The following CX3CR1 variants were observed in gnomAD, a reference collection of about 807,000 sequenced individuals.
CX3CR1 encodes CX3C chemokine receptor 1.
For missense variants in CX3CR1, 363 were observed against 432.4 expected (o/e 0.84, Z 1.42); for synonymous variants, 168 against 178.5 (o/e 0.94, Z 0.47).
chr3:39,270,852 T>A (rs901547152), intron 1 of CX3CR1, among the ~76,000 whole-genome samples: 1 of 152,242 alleles, frequency 6.6e-6, no homozygotes, highest in African/African-American at 2.4e-5. Context: ...ATGAGTTATA[T>A]GAAAAACTAA....
Position 39,263,544 on chromosome 3 carries a change from G to A in CX3CR1, c.*1898C>T, listed in dbSNP as rs1394724380. The stretch of plus-strand genomic sequence containing the variant: ...GCTAAACATTGGAAACAAGTTAAAT[G>A]TTTATCAATTGAGTAATGGCAAGTA... On this transcript the variant is annotated 3_prime_UTR_variant, in exon 2 of 2. Transcript: ENST00000399220. 6 of 152,228 alleles carry A rather than the reference G, an allele frequency of 3.9e-5. No homozygotes were observed. Among genetic ancestry groups the A allele is most frequent in the Non-Finnish European group, 8.8e-5 (6 of 68,042 alleles). The allele number at this position is 152,228 out of a possible 1,614,324, so 9.4% of individuals were successfully genotyped here. A position where few individuals can be genotyped will look rare whatever the true frequency, so the allele number is the denominator to read the frequency against.
At chr3:39,283,794 A>T (rs868633511), upstream of CX3CR1, among the ~76,000 whole-genome samples, 6 of 58,340 alleles carry the variant, frequency 1.0e-4, no homozygotes, top group Non-Finnish European at 1.3e-4. Flanking sequence ...AAAAAAAAAA[A>T]TTATATATAT....
upstream of CX3CR1, chr3:39,286,607 C>A (rs1247345588): frequency 6.7e-6 from 1 of 148,528 alleles, no homozygotes; most frequent in African/African-American, 2.5e-5. Context: ...GCCGAGATTG[C>A]GCCACTGCAG....
intron 1 of CX3CR1, among the ~76,000 whole-genome samples, chr3:39,275,177 ACTTTCTCCTCT>A: frequency 6.6e-6 from 1 of 152,234 alleles, no homozygotes; most frequent in African/African-American, 2.4e-5. Context: ...ACTTTTACAT[ACTTTCTCCTCT>A]CTTTGAACAT....
upstream of CX3CR1, chr3:39,281,470 TG>T (rs1218458970): frequency 2.4e-6 from 2 of 826,686 alleles, no homozygotes; most frequent in South Asian, 1.7e-5. Context: ...CCCACACTCT[TG>T]ACGACAGTCT....
intron 1 of CX3CR1, among the ~76,000 whole-genome samples, chr3:39,269,767 T>A (rs112314939): frequency 9.3e-4 from 142 of 152,292 alleles, no homozygotes; most frequent in Middle Eastern, 3.4e-3. Context: ...CTAGAATTGC[T>A]GTGGCTCCCA....
chr3:39,271,737 G>C (rs1398333679), intron 1 of CX3CR1, among the ~76,000 whole-genome samples: 7 of 152,194 alleles, frequency 4.6e-5, no homozygotes, highest in African/African-American at 1.7e-4. Context: ...GCATGTGAAG[G>C]CACCATTTAC....
chr3:39,281,770 T>A (rs547198750), upstream of CX3CR1: 6 of 1,116,988 alleles, frequency 5.4e-6, no homozygotes, highest in East Asian at 7.6e-5. Flanking sequence ...CCACTTCCAC[T>A]TCCCCCAACA....
At chr3:39,281,609 C>G (rs1045849618), upstream of CX3CR1, 4 of 1,598,968 alleles carry the variant, frequency 2.5e-6, no homozygotes, top group African/African-American at 4.0e-5. Context: ...CACCACTTAC[C>G]CCACTGGCCA....
At chr3:39,281,290 C>T, upstream of CX3CR1, 1 of 1,117,910 alleles carries the variant, frequency 8.9e-7, no homozygotes. Flanking sequence ...AGGCCGCTCC[C>T]CATCCACTTT....
At chr3:39,288,841 A>G in the CX3CR1 span, among the ~76,000 whole-genome samples, 1 of 152,134 alleles carries the variant, frequency 6.6e-6, no homozygotes, top group Admixed American at 6.5e-5. Flanking sequence ...AGGGCGAGAT[A>G]TTTCTCTAAG....
At position 39,266,347 on chromosome 3, in the gene CX3CR1, C is replaced by A; in HGVS notation, c.163G>T (p.Ala55Ser). The A allele has an allele frequency of 1.2e-6, 2 of 1,614,152 alleles. No individual in the cohort carries two copies. Among genetic ancestry groups the A allele is most frequent in the Non-Finnish European group, 1.7e-6 (2 of 1,180,030 alleles). The change falls in exon 2 of 2, where the codon GCC becomes TCC. Residue 55 changes from alanine (A) to serine (S), a missense_variant. Transcript: ENST00000399220. ...TTGGGCTTCTTGCTGTTGGTGAGGG[C>A]AAACACTACCAACAAATTTCCCACC... ...GLVGNLLVVF[A>S]LTNSKKPKSV...
chr3:39,278,640 A>AT (rs753640806), intron 1 of CX3CR1, among the ~76,000 whole-genome samples: 1,997 of 139,434 alleles, frequency 0.014, 17 homozygotes, highest in Non-Finnish European at 0.017. Flanking sequence ...TCAAAAATTA[A>AT]TTTTTTTTTC....
At chr3:39,271,765 G>A (rs2040780849) in intron 1 of CX3CR1, among the ~76,000 whole-genome samples, 1 of 152,162 alleles carries the variant, frequency 6.6e-6, no homozygotes, top group African/African-American at 2.4e-5. Flanking sequence ...ATCTGACATC[G>A]CTGAAGCTGT....
chr3:39,265,311 G>C lies in CX3CR1; in HGVS notation c.*131C>G, dbSNP rs969600847. ...GAGCACAATTCTCAACAACACTCTAGGGTTGTTTTGTGTGCATTGGGTCCA... is the reference window on the plus strand; with the variant it reads ...GAGCACAATTCTCAACAACACTCTACGGTTGTTTTGTGTGCATTGGGTCCA... On this transcript the variant is annotated 3_prime_UTR_variant, in exon 2 of 2. Coordinates refer to ENST00000399220, the MANE Select transcript of CX3CR1 (RefSeq NM_001337.4). 5 of 880,614 alleles carry C rather than the reference G, an allele frequency of 5.7e-6. No homozygotes were observed. Among genetic ancestry groups the C allele is most frequent in the South Asian group, 1.8e-5 (1 of 56,476 alleles). The allele number at this position is 880,614 out of a possible 1,614,324, so 54.6% of individuals were successfully genotyped here. A position where few individuals can be genotyped will look rare whatever the true frequency, so the allele number is the denominator to read the frequency against.
chr3:39,277,400 TAGG>T (rs2040851619), intron 1 of CX3CR1, among the ~76,000 whole-genome samples: 1 of 152,210 alleles, frequency 6.6e-6, no homozygotes, highest in African/African-American at 2.4e-5. Context: ...GCTGTGCTGC[TAGG>T]AATCAGAACA....
chr3:39,273,258 A>T (rs896077873), intron 1 of CX3CR1, among the ~76,000 whole-genome samples: 1 of 152,218 alleles, frequency 6.6e-6, no homozygotes, highest in Non-Finnish European at 1.5e-5. Flanking sequence ...GCTGCCCCTC[A>T]GGGATTGGTG....
intron 1 of CX3CR1, among the ~76,000 whole-genome samples, chr3:39,271,609 A>C (rs1348647693): frequency 6.6e-6 from 1 of 152,168 alleles, no homozygotes; most frequent in Non-Finnish European, 1.5e-5. Flanking sequence ...CTTCTGTGCA[A>C]ATCTCAAGAA....
At chr3:39,273,878 C>A (rs1354090455) in intron 1 of CX3CR1, among the ~76,000 whole-genome samples, 1 of 152,160 alleles carries the variant, frequency 6.6e-6, no homozygotes, top group Non-Finnish European at 1.5e-5. Context: ...GATCCTCCTG[C>A]CTGGGCCTCT....
Sources: gnomAD v4.1 joint callset for allele counts (sites outside exome capture counted in the v4.1 genomes callset) on GRCh38, gnomAD v4.1.1 for gene constraint, MANE v1.5 for transcripts, NCBI Gene and HGNC (gene_info 2026-07-23, HGNC 2026-07-21) for gene names.